The following XRCC4 variants were observed in gnomAD, a reference collection of about 807,000 sequenced individuals.
XRCC4 encodes the protein DNA repair protein XRCC4.
Under a neutral mutation model 39.1 loss-of-function variants are expected in XRCC4, and 28 were observed. The ratio of observed to expected loss-of-function variants is 0.72; its 90% CI spans 0.53 to 0.98. XRCC4 has a LOEUF of 0.98. XRCC4 is among the 50% of genes least tolerant of loss of function. The pLI is 0.00. For missense variants in XRCC4, 350 were observed against 376.4 expected (o/e 0.93, Z 0.58); for synonymous variants, 123 against 126.4 (o/e 0.97, Z 0.18).
At chr5:83,341,627 TGGA>T (rs1302408186) in intron 7 of XRCC4, among the ~76,000 whole-genome samples, 41 of 152,020 alleles carry the variant, frequency 2.7e-4, no homozygotes, top group Non-Finnish European at 5.3e-4. Flanking sequence ...AAACATCCTC[TGGA>T]GTAGAAGTAA....
At chr5:83,320,518 TC>T (rs1394004690) in intron 7 of XRCC4, among the ~76,000 whole-genome samples, 1 of 152,028 alleles carries the variant, frequency 6.6e-6, no homozygotes, top group Non-Finnish European at 1.5e-5. Flanking sequence ...GAATATTGAC[TC>T]CAATTTTGAA....
Position 83,195,883 on chromosome 5 carries a change from C to A in XRCC4, c.429C>A (p.His143Gln), listed in dbSNP as rs553111266. ...TIAENQAKNE[H>Q]LQKENERLLR... is the part of the protein sequence containing the mutation. ...CAGAAAATCAAGCCAAAAATGAGCA[C>A]CTGCAGAAAGAAAATGAAAGGCTTC... is the stretch of plus-strand genomic sequence containing the variant. Residue 143 changes from histidine (H) to glutamine (Q), a missense_variant, in exon 4 of 8, where the codon CAC (histidine) becomes CAA (glutamine). His to Gln is a conservative substitution (Grantham distance 24). Transcript: ENST00000396027. The A allele has an allele frequency of 6.2e-7, 1 of 1,611,434 alleles. No individual in the cohort carries two copies. Among genetic ancestry groups the A allele is most frequent in the East Asian group, 2.2e-5 (1 of 44,764 alleles).
At chr5:83,334,901 G>A (rs1188990597) in intron 7 of XRCC4, among the ~76,000 whole-genome samples, 2 of 151,866 alleles carry the variant, frequency 1.3e-5, no homozygotes, top group African/African-American at 4.8e-5. Flanking sequence ...AAATGATAAG[G>A]GAAATTCATT....
chr5:83,280,235 G>A, intron 7 of XRCC4: 2 of 329,668 alleles, frequency 6.1e-6, no homozygotes, highest in Non-Finnish European at 1.2e-5. Flanking sequence ...CCCAACACAG[G>A]TGGAAACCCA....
intron 3 of XRCC4, among the ~76,000 whole-genome samples, chr5:83,133,324 T>A (rs1342069897): frequency 6.6e-6 from 1 of 152,210 alleles, no homozygotes. Context: ...CCAGTTAGGC[T>A]ACTCGGGCGT....
chr5:83,098,019 A>G (rs572834877), intron 1 of XRCC4, among the ~76,000 whole-genome samples: 1 of 147,818 alleles, frequency 6.8e-6, no homozygotes, highest in African/African-American at 2.5e-5. Context: ...ATACCCACTT[A>G]TAGTGTTAGA....
intron 6 of XRCC4, among the ~76,000 whole-genome samples, chr5:83,213,489 G>C (rs368307393): frequency 1.3e-5 from 2 of 152,026 alleles, no homozygotes; most frequent in South Asian, 2.1e-4. Context: ...AGCTATATGA[G>C]AGCAAAATTT....
At chr5:83,175,289 ACTTTT>A in intron 3 of XRCC4, among the ~76,000 whole-genome samples, 1 of 152,314 alleles carries the variant, frequency 6.6e-6, no homozygotes, top group South Asian at 2.1e-4. Flanking sequence ...TAATTTTTAA[ACTTTT>A]CTTGTATCTC....
chr5:83,095,131 C>T (rs530086310), intron 1 of XRCC4, among the ~76,000 whole-genome samples: 74 of 152,228 alleles, frequency 4.9e-4, no homozygotes, highest in African/African-American at 1.8e-3. Context: ...CTAGTAATAA[C>T]CCTTAGCAGA....
At chr5:83,271,796 G>C (rs1754153625) in intron 7 of XRCC4, among the ~76,000 whole-genome samples, 1 of 152,278 alleles carries the variant, frequency 6.6e-6, no homozygotes, top group South Asian at 2.1e-4. Flanking sequence ...TCCAGCATAT[G>C]CCCAGGAGTG....
chr5:83,186,941 A>ATTTTTTTTTTTTTTTTTTT (rs770811313), intron 3 of XRCC4, among the ~76,000 whole-genome samples: 7 of 87,494 alleles, frequency 8.0e-5, no homozygotes, highest in African/African-American at 3.6e-4. Context: ...TGCTTCTTCC[A>ATTTTTTTTTTTTTTTTTTT]TTTTTTTTTT....
At chr5:83,139,646 A>G (rs1181929639) in intron 3 of XRCC4, among the ~76,000 whole-genome samples, 5 of 152,198 alleles carry the variant, frequency 3.3e-5, no homozygotes, top group African/African-American at 1.2e-4. Flanking sequence ...TACTTAATAC[A>G]AACCTAGATG....
intron 7 of XRCC4, among the ~76,000 whole-genome samples, chr5:83,295,544 T>C (rs939813473): frequency 6.6e-6 from 1 of 151,978 alleles, no homozygotes; most frequent in East Asian, 1.9e-4. Flanking sequence ...GGTAAGATGG[T>C]CAGGAAGGAC....
chr5:83,250,028 C>G, intron 6 of XRCC4, among the ~76,000 whole-genome samples: 1 of 151,934 alleles, frequency 6.6e-6, no homozygotes, highest in Admixed American at 6.6e-5. Flanking sequence ...ATGAAAATTT[C>G]AAAAATCCTT....
chr5:83,145,785 A>T (rs1748424134), intron 3 of XRCC4, among the ~76,000 whole-genome samples: 1 of 151,594 alleles, frequency 6.6e-6, no homozygotes, highest in Admixed American at 6.6e-5. Flanking sequence ...AGGTTATGGG[A>T]ATCTTATTCA....
At chr5:83,079,853 TATCTC>T (rs1054291352) in intron 1 of XRCC4, among the ~76,000 whole-genome samples, 4 of 152,174 alleles carry the variant, frequency 2.6e-5, no homozygotes, top group Non-Finnish European at 5.9e-5. Context: ...CAAAAAGTAT[TATCTC>T]ACCTGCATCT....
intron 7 of XRCC4, among the ~76,000 whole-genome samples, chr5:83,333,723 A>C (rs751176397): frequency 6.6e-6 from 1 of 152,160 alleles, no homozygotes; most frequent in Non-Finnish European, 1.5e-5. Context: ...CTATTTTGGT[A>C]ATATGCAAAT....
intron 7 of XRCC4, among the ~76,000 whole-genome samples, chr5:83,290,247 A>T (rs947665977): frequency 6.6e-6 from 1 of 151,834 alleles, no homozygotes; most frequent in Non-Finnish European, 1.5e-5. Flanking sequence ...GATTATCTTT[A>T]CGTATTGAAT....
intron 7 of XRCC4, among the ~76,000 whole-genome samples, chr5:83,321,659 T>G (rs186278): frequency 6.6e-6 from 1 of 152,092 alleles, no homozygotes; most frequent in African/African-American, 2.4e-5. Context: ...TCTCACTAAA[T>G]GAAAGACACA....
Sources: gnomAD v4.1 joint callset for allele counts (sites outside exome capture counted in the v4.1 genomes callset) on GRCh38, gnomAD v4.1.1 for gene constraint, MANE v1.5 for transcripts, NCBI Gene and HGNC (gene_info 2026-07-23, HGNC 2026-07-21) for gene names.